DMGDH: variants seen among roughly 807,000 people sequenced by gnomAD.
DMGDH encodes the protein dimethylglycine dehydrogenase, mitochondrial.
DMGDH carries 76 observed loss-of-function variants against 95.2 expected under a neutral mutation model. The observed-to-expected ratio is 0.80, with a 90% CI of 0.66 to 0.97. The LOEUF (loss-of-function observed/expected upper bound fraction) is 0.97. Ranked by LOEUF, DMGDH falls within the 50% of genes least tolerant of loss-of-function variation. DMGDH has a pLI of 0.00. For missense variants in DMGDH, 987 were observed against 1,055.0 expected (o/e 0.94, Z 0.89); for synonymous variants, 345 against 377.6 (o/e 0.91, Z 1.00).
intron 10 of DMGDH, among the ~76,000 whole-genome samples, chr5:79,030,301 A>C (rs1177696338): frequency 1.3e-5 from 2 of 152,224 alleles, no homozygotes; most frequent in Admixed American, 1.3e-4. Flanking sequence ...CGAAACAATT[A>C]AGCAAAGTCA....
chr5:79,065,043 C>T (rs584218), intron 1 of DMGDH, among the ~76,000 whole-genome samples: 66,262 of 151,736 alleles, frequency 0.44, 16,200 homozygotes, highest in East Asian at 0.64. Context: ...AGCCACTGTG[C>T]CTGGCCTCAA....
chr5:79,022,042 C>T (rs1753881436), intron 14 of DMGDH, among the ~76,000 whole-genome samples: 2 of 152,272 alleles, frequency 1.3e-5, no homozygotes, highest in South Asian at 4.1e-4. Context: ...CACATTATGG[C>T]TTAAACGATC....
intron 14 of DMGDH, among the ~76,000 whole-genome samples, chr5:79,021,905 G>A (rs731123): frequency 0.33 from 50,419 of 151,910 alleles, 9,169 homozygotes; most frequent in African/African-American, 0.48. Context: ...AGCTAAAGCA[G>A]TGGCCTCCCC....
At chr5:79,001,745 G>C (rs1318119860) in intron 15 of DMGDH, among the ~76,000 whole-genome samples, 4 of 152,184 alleles carry the variant, frequency 2.6e-5, no homozygotes, top group Non-Finnish European at 4.4e-5. Flanking sequence ...TTATTTATGA[G>C]TGCTATTTTT....
chr5:79,048,520 C>G (rs1440652502), intron 5 of DMGDH, among the ~76,000 whole-genome samples: 1 of 152,142 alleles, frequency 6.6e-6, no homozygotes, highest in Non-Finnish European at 1.5e-5. Flanking sequence ...GGGAGATACC[C>G]TGGTCACACT....
chr5:79,009,444 C>T (rs1160054631), intron 14 of DMGDH, among the ~76,000 whole-genome samples: 1 of 150,902 alleles, frequency 6.6e-6, no homozygotes, highest in Admixed American at 6.6e-5. Context: ...TCACTGCAAC[C>T]TCCACCTCCT....
At chr5:79,017,834 A>G (rs553697699) in intron 14 of DMGDH, among the ~76,000 whole-genome samples, 3 of 152,218 alleles carry the variant, frequency 2.0e-5, no homozygotes, top group Non-Finnish European at 4.4e-5. Context: ...AACTTTTTCT[A>G]TAGGCAGTTT....
chr5:79,047,242 T>C (rs1161066781), intron 5 of DMGDH, among the ~76,000 whole-genome samples: 1 of 152,126 alleles, frequency 6.6e-6, no homozygotes, highest in Admixed American at 6.6e-5. Context: ...CAATTAAAAA[T>C]GACTACTGGA....
In DMGDH at chr5:79,026,537, C is replaced by G. The variant is rs765562709; in HGVS notation, c.2077G>C (p.Ala693Pro). 1 of 1,614,138 alleles carries G rather than the reference C, an allele frequency of 6.2e-7. No individual in the cohort carries two copies. The highest frequency in any genetic ancestry group is 8.5e-7 in the Non-Finnish European group (1 of 1,180,032). Residue 693 changes from alanine to proline, a missense_variant, in exon 13 of 16, where the codon GCG becomes CCG. Ala to Pro is a conservative substitution (Grantham distance 27). Transcript: ENST00000255189. ...ELYHRREDSV[A>P]LYDAIMNAGQ... ...GCATTCATGATAGCGTCATACAGCGCCACAGAATCTTCTCTTCTGTGATAC... is the reference window on the plus strand; with the variant it reads ...GCATTCATGATAGCGTCATACAGCGGCACAGAATCTTCTCTTCTGTGATAC...
rs560097361 is a variant in DMGDH, at chr5:79,020,956, A to AT, written c.2250+3314dup. The AT allele has an allele frequency of 3.2e-5, 32 of 985,398 alleles. No homozygotes were observed. The East Asian group carries it at 3.0e-3, about 91-fold the overall frequency. The allele number at this position is 985,398 out of a possible 1,614,324, so 61.0% of individuals were successfully genotyped here. A position where few individuals can be genotyped will look rare whatever the true frequency, so the allele number is the denominator to read the frequency against. The stretch of plus-strand genomic sequence containing the variant: ...CTATGACTCCATCCAAAGGCAGCTG[A>AT]TTTTCCTTTTGCTCTTGATTAATGC... On this transcript the variant is annotated intron_variant, in intron 14 of 15. Coordinates refer to ENST00000255189, the MANE Select transcript of DMGDH (RefSeq NM_013391.3).
intron 14 of DMGDH, chr5:79,021,590 C>A: frequency 7.7e-7 from 1 of 1,303,920 alleles, no homozygotes; most frequent in South Asian, 1.2e-5. Flanking sequence ...CAGGTTTTGA[C>A]AAGAACACGA....
chr5:79,062,614 T>C (rs1755242849), intron 2 of DMGDH, among the ~76,000 whole-genome samples: 1 of 152,048 alleles, frequency 6.6e-6, no homozygotes, highest in South Asian at 2.1e-4. Flanking sequence ...AATCCCTTCA[T>C]CTACCTGGGC....
chr5:79,059,346 G>T (rs762893105), intron 2 of DMGDH, among the ~76,000 whole-genome samples: 1 of 152,172 alleles, frequency 6.6e-6, no homozygotes, highest in East Asian at 1.9e-4. Context: ...CGCTCAGTGA[G>T]GCACACACCC....
intron 7 of DMGDH, 31 bp downstream of exon 7, chr5:79,042,252 A>G (rs1170120848): frequency 6.3e-7 from 1 of 1,592,814 alleles, no homozygotes; most frequent in Admixed American, 1.7e-5. Context: ...GTGATTCTAC[A>G]ATAAATGTTG....
At chr5:79,052,527 T>A (rs916460384) in intron 4 of DMGDH, among the ~76,000 whole-genome samples, 1 of 152,214 alleles carries the variant, frequency 6.6e-6, no homozygotes. Flanking sequence ...GGAATTCACA[T>A]TTCTAAAGAC....
In DMGDH at chr5:79,021,540, A is replaced by G. The variant is rs935247036; in HGVS notation, c.2250+2731T>C. 4 of 1,284,862 alleles carry G rather than the reference A, an allele frequency of 3.1e-6. No individual in the cohort carries two copies. In the African/African-American group the frequency reaches 6.1e-5, roughly 20 times the overall value. 79.6% of individuals were successfully genotyped at this position (1,284,862 alleles called of 1,614,324 possible). Reference sequence around the variant, plus strand: ...GCGCCGTCTCCCTTTGTGATGAAAGAGTTCTTCAGTACTCCATTGTTCTTT... The same window carrying G: ...GCGCCGTCTCCCTTTGTGATGAAAGGGTTCTTCAGTACTCCATTGTTCTTT... On this transcript the variant is annotated intron_variant, in intron 14 of 15. Transcript: ENST00000255189.
chr5:79,039,702 T>TATA (rs1322066076), intron 7 of DMGDH, among the ~76,000 whole-genome samples: 16 of 151,686 alleles, frequency 1.1e-4, no homozygotes, highest in Non-Finnish European at 4.4e-5. Context: ...AAACTTAAAG[T>TATA]ATAATAATAA....
chr5:79,066,485 G>A (rs1199092389), intron 1 of DMGDH, among the ~76,000 whole-genome samples: 5 of 149,890 alleles, frequency 3.3e-5, no homozygotes, highest in South Asian at 2.1e-4. Flanking sequence ...TAGTAGAGAC[G>A]GGGTTTCTCC....
chr5:79,032,645 C>T, intron 9 of DMGDH, 42 bp downstream of exon 9: 1 of 1,613,656 alleles, frequency 6.2e-7, no homozygotes, highest in African/African-American at 1.3e-5. Context: ...CGTTGTTTCA[C>T]CCCTCGGTCA....
Sources: gnomAD v4.1 joint callset for allele counts (sites outside exome capture counted in the v4.1 genomes callset) on GRCh38, gnomAD v4.1.1 for gene constraint, MANE v1.5 for transcripts, NCBI Gene and HGNC (gene_info 2026-07-23, HGNC 2026-07-21) for gene names.